LRRTM4: variants seen among roughly 807,000 people sequenced by gnomAD.
The protein encoded by LRRTM4 is leucine-rich repeat transmembrane neuronal protein 4.
A neutral mutation model predicts 47.6 loss-of-function variants in LRRTM4; 25 were observed. The ratio of observed to expected loss-of-function variants is 0.53; its 90% CI spans 0.38 to 0.73. LRRTM4 has a LOEUF of 0.73. Among genes scored for constraint, LRRTM4 ranks in the 30% least tolerant of loss-of-function variants. LRRTM4 has a pLI of 0.00. For synonymous variants in LRRTM4, 311 were observed against 269.5 expected (o/e 1.15, Z -1.51); for missense variants, 638 against 713.4 (o/e 0.89, Z 1.20).
intron 3 of LRRTM4, among the ~76,000 whole-genome samples, chr2:76,973,909 C>T (rs926161927): frequency 1.6e-4 from 24 of 151,752 alleles, no homozygotes; most frequent in African/African-American, 5.8e-4. Context: ...TACTGTTCAG[C>T]TTTTCTTAAA....
chr2:76,960,164 C>T (rs941801505), intron 3 of LRRTM4, among the ~76,000 whole-genome samples: 1 of 151,218 alleles, frequency 6.6e-6, no homozygotes. Flanking sequence ...TCACATTCTA[C>T]CATATTTGAA....
intron 3 of LRRTM4, among the ~76,000 whole-genome samples, chr2:77,486,053 A>G (rs1235558950): frequency 6.6e-6 from 1 of 152,144 alleles, no homozygotes; most frequent in East Asian, 1.9e-4. Context: ...AAAAATTTAG[A>G]ACCTCTAGCA....
chr2:77,351,614 T>TTATATATATATATATATATATATATATA (rs71656252), intron 3 of LRRTM4, among the ~76,000 whole-genome samples: 1 of 135,398 alleles, frequency 7.4e-6, no homozygotes, highest in African/African-American at 2.8e-5. Flanking sequence ...CATGACAAAT[T>TTATATATATATATATATATATATATATA]TATATATATA....
intron 3 of LRRTM4, among the ~76,000 whole-genome samples, chr2:77,067,914 G>A (rs1408770814): frequency 1.3e-5 from 2 of 151,960 alleles, no homozygotes; most frequent in Admixed American, 1.3e-4. Context: ...AAAAGGGAAA[G>A]TGATATATTT....
chr2:77,073,901 T>C (rs989421859), intron 3 of LRRTM4, among the ~76,000 whole-genome samples: 1 of 152,090 alleles, frequency 6.6e-6, no homozygotes, highest in Non-Finnish European at 1.5e-5. Flanking sequence ...TAGTCATTCT[T>C]TTCTTCAGCT....
At chr2:77,418,048 A>G (rs1219397215) in intron 3 of LRRTM4, among the ~76,000 whole-genome samples, 1 of 152,178 alleles carries the variant, frequency 6.6e-6, no homozygotes, top group Non-Finnish European at 1.5e-5. Context: ...GCATAGGATG[A>G]TTTTTGAAGG....
At chr2:76,969,118 A>T (rs1676136786) in intron 3 of LRRTM4, among the ~76,000 whole-genome samples, 1 of 151,914 alleles carries the variant, frequency 6.6e-6, no homozygotes, top group Non-Finnish European at 1.5e-5. Flanking sequence ...ACATGTTTAA[A>T]GCTTTTTGTC....
intron 3 of LRRTM4, among the ~76,000 whole-genome samples, chr2:77,210,798 TA>T (rs1558635140): frequency 1.3e-5 from 2 of 152,078 alleles, no homozygotes. Context: ...AAAATAATTT[TA>T]AAAATCTTCT....
At chr2:76,867,106 T>C (rs1261250039) in intron 3 of LRRTM4, among the ~76,000 whole-genome samples, 1 of 151,972 alleles carries the variant, frequency 6.6e-6, no homozygotes, top group African/African-American at 2.4e-5. Flanking sequence ...TTAGGACAAA[T>C]ACCTAATGCA....
chr2:76,866,145 C>T (rs958179572), intron 3 of LRRTM4, among the ~76,000 whole-genome samples: 1 of 152,086 alleles, frequency 6.6e-6, no homozygotes, highest in East Asian at 1.9e-4. Context: ...TCTCTTCCCA[C>T]AGAAAAACAC....
At position 77,098,136 on chromosome 2, in the gene LRRTM4, T is replaced by C. The variant is rs565695295; in HGVS notation, c.1552-349220A>G. Among the ~76,000 whole-genome samples, 22 of 152,102 alleles carry C rather than the reference T, an allele frequency of 1.4e-4. No homozygotes were observed. The East Asian group carries it at 4.2e-3, about 29-fold the overall frequency. On this transcript the variant is annotated intron_variant, in intron 3 of 3. Coordinates refer to ENST00000409884, the MANE Select transcript of LRRTM4 (RefSeq NM_001134745.3). The stretch of plus-strand genomic sequence containing the variant: ...CAAATAAATAGAAATCTCCAAAAGA[T>C]AGAAAACTTCATTCTAAACCTAGAA...
intron 3 of LRRTM4, among the ~76,000 whole-genome samples, chr2:77,173,996 T>C (rs1231895242): frequency 1.3e-5 from 2 of 152,214 alleles, no homozygotes; most frequent in African/African-American, 4.8e-5. Flanking sequence ...AGGATGGATG[T>C]CTGGGTTTTA....
At chr2:76,910,530 A>C (rs905888841) in intron 3 of LRRTM4, among the ~76,000 whole-genome samples, 4 of 152,178 alleles carry the variant, frequency 2.6e-5, no homozygotes, top group Non-Finnish European at 5.9e-5. Flanking sequence ...TTCTTATAGC[A>C]CCATTATTAC....
chr2:77,313,499 G>C (rs1448894351), intron 3 of LRRTM4, among the ~76,000 whole-genome samples: 8 of 147,242 alleles, frequency 5.4e-5, no homozygotes, highest in African/African-American at 2.0e-4. Flanking sequence ...CTGGGAGTTG[G>C]TGTTGTGATG....
At chr2:77,426,222 T>C (rs947586268) in intron 3 of LRRTM4, among the ~76,000 whole-genome samples, 1 of 152,160 alleles carries the variant, frequency 6.6e-6, no homozygotes, top group Non-Finnish European at 1.5e-5. Context: ...CAAGCTCATT[T>C]ACTTCTTAGT....
At chr2:77,275,533 T>A (rs1439995580) in intron 3 of LRRTM4, among the ~76,000 whole-genome samples, 1 of 152,154 alleles carries the variant, frequency 6.6e-6, no homozygotes, top group African/African-American at 2.4e-5. Flanking sequence ...AAAATAAAAT[T>A]ACGAGCATAC....
At chr2:77,190,475 T>C (rs1673637782) in intron 3 of LRRTM4, among the ~76,000 whole-genome samples, 1 of 151,954 alleles carries the variant, frequency 6.6e-6, no homozygotes, top group Non-Finnish European at 1.5e-5. Flanking sequence ...TTTTTTTGTA[T>C]TTTTAGTAGA....
intron 3 of LRRTM4, among the ~76,000 whole-genome samples, chr2:77,021,953 TA>T (rs1240711498): frequency 6.6e-6 from 1 of 152,148 alleles, no homozygotes; most frequent in Non-Finnish European, 1.5e-5. Flanking sequence ...TAACTGAAAG[TA>T]TGTGCCCTTT....
At chr2:76,804,405 TC>T (rs1467637476) in intron 3 of LRRTM4, among the ~76,000 whole-genome samples, 1 of 152,042 alleles carries the variant, frequency 6.6e-6, no homozygotes, top group Non-Finnish European at 1.5e-5. Context: ...ACACAGCTTC[TC>T]AGTGTTATTC....
Sources: gnomAD v4.1 joint callset for allele counts (sites outside exome capture counted in the v4.1 genomes callset) on GRCh38, gnomAD v4.1.1 for gene constraint, MANE v1.5 for transcripts, NCBI Gene and HGNC (gene_info 2026-07-23, HGNC 2026-07-21) for gene names.